GARIN5A: variants seen among roughly 807,000 people sequenced by gnomAD.
GARIN5A encodes the protein Golgi-associated RAB2 interactor protein 5A.
At chr19:50,470,104 C>A in the GARIN5A span, among the ~76,000 whole-genome samples, 1 of 152,218 alleles carries the variant, frequency 6.6e-6, no homozygotes, top group African/African-American at 2.4e-5. Context: ...GGATTTGAAA[C>A]CAAGCCGTCT....
At chr19:50,472,255 GTATGTGTGTATATATGTATATATACA>G in the GARIN5A span, among the ~76,000 whole-genome samples, 1 of 100,000 alleles carries the variant, frequency 1.0e-5, no homozygotes, top group African/African-American at 5.4e-5. Flanking sequence ...ATATATACAT[GTATGTGTGTATATATGTATATATACA>G]TGTATGTGTG....
At chr19:50,469,635 A>C in the GARIN5A span, among the ~76,000 whole-genome samples, 2 of 152,222 alleles carry the variant, frequency 1.3e-5, no homozygotes, top group Non-Finnish European at 2.9e-5. Flanking sequence ...AAGGTCCAAC[A>C]GGGCAGAGCA....
chr19:50,471,723 TACATGCACGTGTGTGTATAC>T, the GARIN5A span, among the ~76,000 whole-genome samples: 4 of 147,190 alleles, frequency 2.7e-5, no homozygotes, highest in Non-Finnish European at 5.9e-5. Flanking sequence ...TGTATACGCA[TACATGCACGTGTGTGTATAC>T]GCATACATGC....
the GARIN5A span, chr19:50,467,582 C>T: frequency 1.3e-6 from 2 of 1,545,962 alleles, no homozygotes; most frequent in Non-Finnish European, 8.7e-7. Flanking sequence ...TGGGCCTCCA[C>T]CTCATCATCA....
At chr19:50,467,027 C>G in the GARIN5A span, 85 of 152,728 alleles carry the variant, frequency 5.6e-4, 1 homozygote, top group Non-Finnish European at 9.9e-4. Context: ...AGGGACTTTG[C>G]ACTTACTGGA....
the GARIN5A span, among the ~76,000 whole-genome samples, chr19:50,472,142 G>GTGTGTATATGTATATATACGTGTGTATA: frequency 3.7e-5 from 4 of 109,328 alleles, no homozygotes; most frequent in Non-Finnish European, 5.6e-5. Flanking sequence ...GTATATGTAT[G>GTGTGTATATGTATATATACGTGTGTATA]TATACGTGTG....
At chr19:50,470,008 C>T in the GARIN5A span, among the ~76,000 whole-genome samples, 1 of 152,184 alleles carries the variant, frequency 6.6e-6, no homozygotes, top group Admixed American at 6.6e-5. Context: ...GGTGTGCTCT[C>T]CTCTTATCCC....
At chr19:50,476,541 C>A in the GARIN5A span, 2 of 1,571,914 alleles carry the variant, frequency 1.3e-6, no homozygotes, top group East Asian at 2.3e-5. Flanking sequence ...GGGAAGAAGC[C>A]GAGATGGCGG....
At chr19:50,474,701 G>A in the GARIN5A span, among the ~76,000 whole-genome samples, 1 of 151,794 alleles carries the variant, frequency 6.6e-6, no homozygotes, top group South Asian at 2.1e-4. Flanking sequence ...TGGCCAGACC[G>A]GTCTCAAATT....
chr19:50,476,447 G>T, the GARIN5A span: 1 of 1,560,056 alleles, frequency 6.4e-7, no homozygotes, highest in African/African-American at 1.4e-5. Context: ...CCGGGGCCCA[G>T]CGCAGGCGCA....
chr19:50,476,625 C>T, the GARIN5A span: 75 of 1,552,986 alleles, frequency 4.8e-5, no homozygotes, highest in Non-Finnish European at 6.5e-5. Context: ...GAGCCCGGGG[C>T]AGCGGCTGCC....
chr19:50,472,216 G>T, the GARIN5A span, among the ~76,000 whole-genome samples: 98 of 129,288 alleles, frequency 7.6e-4, no homozygotes, highest in African/African-American at 3.0e-3. Context: ...ATACATGTGT[G>T]TATGTATATA....
the GARIN5A span, chr19:50,476,773 G>A: frequency 3.0e-6 from 2 of 671,598 alleles, no homozygotes; most frequent in Non-Finnish European, 4.7e-6. Context: ...GGAAGAGGTG[G>A]GAGATCCCTG....
the GARIN5A span, among the ~76,000 whole-genome samples, chr19:50,472,216 G>GTATGTATACATGTATGTGTGTA: frequency 1.5e-5 from 2 of 129,436 alleles, no homozygotes; most frequent in East Asian, 2.2e-4. Flanking sequence ...ATACATGTGT[G>GTATGTATACATGTATGTGTGTA]TATGTATATA....
the GARIN5A span, chr19:50,475,384 G>A: frequency 1.2e-6 from 2 of 1,610,726 alleles, no homozygotes; most frequent in Admixed American, 1.7e-5. Flanking sequence ...ATAGGTCCGG[G>A]AGCTCCAGGG....
the GARIN5A span, chr19:50,467,590 T>A: frequency 1.3e-6 from 2 of 1,547,934 alleles, no homozygotes; most frequent in South Asian, 1.2e-5. Context: ...CACCTCATCA[T>A]CATCACCCTC....
the GARIN5A span, among the ~76,000 whole-genome samples, chr19:50,470,395 C>A: frequency 3.3e-4 from 50 of 152,144 alleles, no homozygotes; most frequent in Admixed American, 2.9e-3. Context: ...TGCCAGTAAT[C>A]CCAGCTACTT....
At chr19:50,471,730 ACGTGTG>A in the GARIN5A span, among the ~76,000 whole-genome samples, 1 of 88,032 alleles carries the variant, frequency 1.1e-5, no homozygotes, top group East Asian at 4.0e-4. Flanking sequence ...GCATACATGC[ACGTGTG>A]TGTATACGCA....
At chr19:50,468,541 G>A in the GARIN5A span, among the ~76,000 whole-genome samples, 7 of 151,796 alleles carry the variant, frequency 4.6e-5, no homozygotes, top group African/African-American at 1.2e-4. Flanking sequence ...TCTTGGAGTC[G>A]CTGTGGACTC....
Sources: gnomAD v4.1 joint callset for allele counts (sites outside exome capture counted in the v4.1 genomes callset) on GRCh38, gnomAD v4.1.1 for gene constraint, MANE v1.5 for transcripts, NCBI Gene and HGNC (gene_info 2026-07-23, HGNC 2026-07-21) for gene names.